Variants in SEMA3C observed in about 807,000 individuals in gnomAD.
SEMA3C encodes semaphorin 3C, also known as semaphorin-3C.
In SEMA3C, 47 loss-of-function variants were observed where a neutral mutation model predicts 89.4. The ratio of observed to expected loss-of-function variants is 0.53; its 90% CI spans 0.42 to 0.67. The LOEUF is 0.67. SEMA3C is among the 30% of genes least tolerant of loss of function. The pLI is 0.00. For synonymous variants in SEMA3C, 310 were observed against 320.2 expected (o/e 0.97, Z 0.34); for missense variants, 839 against 929.1 (o/e 0.90, Z 1.26).
chr7:80,829,564 T>C (rs7800946), intron 2 of SEMA3C, among the ~76,000 whole-genome samples: 139,260 of 152,208 alleles, frequency 0.91, 63,726 homozygotes, highest in East Asian at 1. Flanking sequence ...AGTAGACGTA[T>C]TTTCAGGAGG....
chr7:80,814,382 C>A (rs1052022154), intron 5 of SEMA3C, among the ~76,000 whole-genome samples: 12 of 152,120 alleles, frequency 7.9e-5, no homozygotes, highest in African/African-American at 2.7e-4. Flanking sequence ...GCCACCGCGC[C>A]CAGCCCTGCC....
At chr7:80,798,598 C>T (rs900022582) in intron 10 of SEMA3C, among the ~76,000 whole-genome samples, 1 of 152,076 alleles carries the variant, frequency 6.6e-6, no homozygotes, top group Non-Finnish European at 1.5e-5. Flanking sequence ...ATCAATATAA[C>T]CTATCACAAT....
At chr7:80,874,067 G>A (rs1477028307) in intron 2 of SEMA3C, among the ~76,000 whole-genome samples, 1 of 152,090 alleles carries the variant, frequency 6.6e-6, no homozygotes, top group Admixed American at 6.5e-5. Flanking sequence ...AGTGTTCCTG[G>A]CCTGAGGCAT....
Position 80,748,910 on chromosome 7 carries a change from G to A in SEMA3C, c.1830C>T (p.Asp610=). 1.2e-6 allele frequency: 2 copies of A among 1,611,934 alleles called. No individual in the cohort carries two copies. The highest frequency in any genetic ancestry group is 1.1e-5 in the South Asian group (1 of 90,758). ...SIKWLLQKDK[D]RRKEVKLNER... is the part of the protein sequence containing the mutation. ...CTGCTTTACTCACCTCTTTCCTCCT[G>A]TCTTTGTCTTTCTGTAACAGCCACT... Residue 610 remains aspartate (D), a synonymous_variant, in exon 17 of 18, where the codon GAC becomes GAT. Transcript: ENST00000265361.
At chr7:80,785,402 G>C (rs1788778714) in intron 12 of SEMA3C, among the ~76,000 whole-genome samples, 1 of 152,112 alleles carries the variant, frequency 6.6e-6, no homozygotes, top group Admixed American at 6.5e-5. Flanking sequence ...AGCCAAAAGA[G>C]AAACTTGCTT....
chr7:80,790,126 A>C lies in SEMA3C; in HGVS notation c.1132-598T>G, dbSNP rs552443389. On this transcript the variant is annotated intron_variant, in intron 11 of 17. Transcript: ENST00000265361. The stretch of plus-strand genomic sequence containing the variant: ...AGCAAAATTTCATCTCTGGGAAAAA[A>C]GTTAAAAATTAGCTAGGTGTGGCTG... Among the ~76,000 whole-genome samples the C allele has an allele frequency of 1.2e-4, 18 of 152,092 alleles. No homozygotes were observed. In the East Asian group the frequency reaches 3.3e-3, roughly 28 times the overall value.
rs1055472134 is a variant in SEMA3C at position 80,748,879 on chromosome 7, G to T, written c.1842+19C>A. On this transcript the variant is annotated intron_variant, in intron 17 of 17. Coordinates refer to ENST00000265361, the MANE Select transcript of SEMA3C (RefSeq NM_006379.5). ...CTCTCTGAAGCCCTGATGGATTGCT[G>T]CTGTGCTGCTTTACTCACCTCTTTC... 2 of 1,600,590 alleles carry T rather than the reference G, an allele frequency of 1.2e-6. No individual in the cohort carries two copies. Among genetic ancestry groups the T allele is most frequent in the African/African-American group, 2.7e-5 (2 of 74,216 alleles).
At chr7:80,882,457 T>G (rs2116106353) in intron 2 of SEMA3C, among the ~76,000 whole-genome samples, 1 of 133,764 alleles carries the variant, frequency 7.5e-6, no homozygotes, top group South Asian at 2.4e-4. Flanking sequence ...TCACTGTCAA[T>G]TATGCCTCGT....
At chr7:80,822,383 AAAAATAAATAAAT>A (rs752251949) in intron 4 of SEMA3C, among the ~76,000 whole-genome samples, 1,524 of 145,534 alleles carry the variant, frequency 0.01, 24 homozygotes, top group South Asian at 0.038. Context: ...TTCAGCAAAA[AAAAATAAATAAAT>A]AAAAATAAAT....
At chr7:80,793,064 A>G (rs1788980881) in intron 11 of SEMA3C, among the ~76,000 whole-genome samples, 1 of 152,214 alleles carries the variant, frequency 6.6e-6, no homozygotes, top group Admixed American at 6.5e-5. Context: ...CATTAATTTT[A>G]CTCTGCAAAT....
At chr7:80,747,379 T>A (rs1583837592) in intron 17 of SEMA3C, among the ~76,000 whole-genome samples, 1 of 152,256 alleles carries the variant, frequency 6.6e-6, no homozygotes, top group East Asian at 1.9e-4. Context: ...TTATATTCAC[T>A]TATATATTAT....
In SEMA3C at chr7:80,918,791, T is replaced by C. The variant is rs969392643; in HGVS notation, c.-39+37A>G. 13 of 984,582 alleles carry C rather than the reference T, an allele frequency of 1.3e-5. No individual in the cohort carries two copies. In the African/African-American group the frequency reaches 2.3e-4, roughly 17 times the overall value. 61.0% of individuals were successfully genotyped at this position (984,582 alleles called of 1,614,324 possible). On this transcript the variant is annotated intron_variant, in intron 1 of 17. Transcript: ENST00000265361. Reference sequence around the variant, plus strand: ...ACAGGCCAAAAAAGTTATACTTTGCTAAATCTGTAATGCGGAAAATGACCA... The same window carrying C: ...ACAGGCCAAAAAAGTTATACTTTGCCAAATCTGTAATGCGGAAAATGACCA...
intron 11 of SEMA3C, 87 bp downstream of exon 11, chr7:80,798,005 A>G: frequency 7.3e-7 from 1 of 1,376,794 alleles, no homozygotes; most frequent in Non-Finnish European, 9.8e-7. Context: ...CTCAAAAAAA[A>G]ACCCCAAAAA....
intron 6 of SEMA3C, among the ~76,000 whole-genome samples, chr7:80,810,227 T>TA (rs1422509684): frequency 6.6e-6 from 1 of 151,168 alleles, no homozygotes; most frequent in African/African-American, 2.4e-5. Flanking sequence ...ATTTGTCAAC[T>TA]AAAAACAAAT....
chr7:80,916,944 C>T, intron 1 of SEMA3C, 125 bp from the exon 2 acceptor site: 1 of 664,226 alleles, frequency 1.5e-6, no homozygotes, highest in Non-Finnish European at 2.4e-6. Flanking sequence ...GTAATGCAAA[C>T]AGTAGGAGGT....
At chr7:80,890,662 C>T (rs1184154630) in intron 2 of SEMA3C, among the ~76,000 whole-genome samples, 1 of 152,028 alleles carries the variant, frequency 6.6e-6, no homozygotes, top group Non-Finnish European at 1.5e-5. Context: ...TCATGGAGCT[C>T]CAAAAATACC....
rs1583887257 is a variant in SEMA3C at position 80,798,180 on chromosome 7, A to G, written c.1043T>C (p.Val348Ala). Reference sequence around the variant, plus strand: ...TTTGTGGGCAAAAGGCCCATTAAACACAGTCTGTATATCAGATAAATGATA... The same window carrying G: ...TTTGTGGGCAAAAGGCCCATTAAACGCAGTCTGTATATCAGATAAATGATA... Reference protein sequence around the residue: ...CVYHLSDIQTVFNGPFAHKEG... With the variant: ...CVYHLSDIQTAFNGPFAHKEG... The change falls in exon 11 of 18, where the codon GTG (valine) becomes GCG (alanine). Residue 348 changes from valine to alanine, a missense_variant. Transcript: ENST00000265361. 3 of 1,606,160 alleles carry G rather than the reference A, an allele frequency of 1.9e-6. No individual in the cohort carries two copies. In the East Asian group the frequency reaches 6.8e-5, roughly 36 times the overall value.
chr7:80,745,349 T>C (rs760925970), intron 17 of SEMA3C, 42 bp from the exon 18 acceptor site: 9 of 1,563,702 alleles, frequency 5.8e-6, no homozygotes, highest in Non-Finnish European at 6.1e-6. Flanking sequence ...CTGAACATTA[T>C]ATTTCCTTAG....
chr7:80,817,819 T>C (rs543010892), intron 5 of SEMA3C, among the ~76,000 whole-genome samples: 3 of 152,274 alleles, frequency 2.0e-5, no homozygotes, highest in South Asian at 2.1e-4. Context: ...TTTACAGATA[T>C]ATATTTATAA....
Sources: allele counts gnomAD v4.1 joint callset (sites outside exome capture counted in the v4.1 genomes callset), GRCh38; gene constraint gnomAD v4.1.1; transcripts MANE v1.5; gene names NCBI Gene and HGNC (gene_info 2026-07-23, HGNC 2026-07-21).